Variants in CASTOR2 observed in about 807,000 individuals in gnomAD.
CASTOR2 encodes the protein GATS protein like 2.
Under a neutral mutation model 31.2 loss-of-function variants are expected in CASTOR2, and 8 were observed. The ratio of observed to expected loss-of-function variants is 0.26; its 90% CI spans 0.15 to 0.46. The LOEUF (loss-of-function observed/expected upper bound fraction) is 0.46, where lower values mean the gene tolerates loss of function less well. CASTOR2 is among the 20% of genes least tolerant of loss of function. The pLI, the probability that CASTOR2 is intolerant of heterozygous loss-of-function variation, is 0.99. For missense variants in CASTOR2, 216 were observed against 382.1 expected (o/e 0.57, Z 3.62); for synonymous variants, 162 against 158.7 (o/e 1.02, Z -0.16).
Position 74,986,482 on chromosome 7 carries a change from T to G in CASTOR2, c.113+21384T>G, listed in dbSNP as rs1484971725. 1.4e-4 allele frequency among the ~76,000 whole-genome samples: 20 copies of G among 142,872 alleles called. No individual in the cohort carries two copies. In the South Asian group the frequency reaches 4.4e-3, roughly 31 times the overall value. 93.7% of individuals were successfully genotyped at this position (142,872 alleles called of 152,430 possible). A position where few individuals can be genotyped will look rare whatever the true frequency, so the allele number is the denominator to read the frequency against. ...TCCAGCCTGGGCAACAGAGGGAGAC[T>G]CTGTCTCAAAAAAAAAAAAAAAGAA... On this transcript the variant is annotated intron_variant, in intron 1 of 8. Transcript: ENST00000616305.
intron 1 of CASTOR2, among the ~76,000 whole-genome samples, chr7:75,006,556 C>T (rs1420644116): frequency 6.6e-6 from 1 of 152,128 alleles, no homozygotes; most frequent in East Asian, 1.9e-4. Flanking sequence ...CCATTTGCAT[C>T]TTTTGAGAGA....
rs960596161 is a variant in CASTOR2 at position 75,025,490 on chromosome 7, A to G, written c.*791A>G. 6.6e-6 allele frequency among the ~76,000 whole-genome samples: 1 copy of G among 152,204 alleles called. No individual in the cohort carries two copies. The highest frequency in any genetic ancestry group is 1.5e-5 in the Non-Finnish European group (1 of 68,028). ...CTCCCTGGACCCGACTTGGGCAGGTAGAGCCTCAGCTTCCCCCAGTAGGGA... is the reference window on the plus strand; with the variant it reads ...CTCCCTGGACCCGACTTGGGCAGGTGGAGCCTCAGCTTCCCCCAGTAGGGA... On this transcript the variant is annotated 3_prime_UTR_variant, in exon 9 of 9. Coordinates refer to ENST00000616305, the MANE Select transcript of CASTOR2 (RefSeq NM_001145064.3).
intron 2 of CASTOR2, among the ~76,000 whole-genome samples, chr7:75,016,339 G>T (rs1584476063): frequency 6.6e-6 from 1 of 152,180 alleles, no homozygotes; most frequent in Non-Finnish European, 1.5e-5. Flanking sequence ...GGGTTTTCAT[G>T]AGCTAGGTAA....
At chr7:75,015,891 AC>A (rs1333896092) in intron 2 of CASTOR2, among the ~76,000 whole-genome samples, 3 of 151,948 alleles carry the variant, frequency 2.0e-5, no homozygotes, top group African/African-American at 7.3e-5. Context: ...ACATGGTGAA[AC>A]CCCATCTTTA....
intron 2 of CASTOR2, among the ~76,000 whole-genome samples, chr7:75,015,301 G>T (rs1316050825): frequency 1.3e-5 from 2 of 152,086 alleles, no homozygotes; most frequent in African/African-American, 2.4e-5. Flanking sequence ...ACAGGGTCTG[G>T]CTGTGTCACC....
intron 2 of CASTOR2, among the ~76,000 whole-genome samples, chr7:75,014,090 C>T (rs1325472027): frequency 2.6e-5 from 4 of 152,066 alleles, no homozygotes; most frequent in Admixed American, 6.6e-5. Flanking sequence ...TTCAGAATAA[C>T]GTTAGAAGCC....
intron 1 of CASTOR2, among the ~76,000 whole-genome samples, chr7:74,995,619 A>C (rs1701974878): frequency 6.6e-6 from 1 of 151,642 alleles, no homozygotes; most frequent in Admixed American, 6.6e-5. Flanking sequence ...CATCCTGGCT[A>C]ACACAGTGAA....
intron 1 of CASTOR2, among the ~76,000 whole-genome samples, chr7:75,002,902 A>C (rs2131940943): frequency 6.6e-6 from 1 of 152,116 alleles, no homozygotes; most frequent in East Asian, 1.9e-4. Flanking sequence ...CGCCTGGGCA[A>C]CATAGCAAGA....
chr7:75,007,339 T>TGGAGAATA (rs1398863261), intron 1 of CASTOR2, among the ~76,000 whole-genome samples: 1 of 152,034 alleles, frequency 6.6e-6, no homozygotes, highest in Non-Finnish European at 1.5e-5. Flanking sequence ...TCCCTGTTTT[T>TGGAGAATA]GGAGAATAGA....
intron 2 of CASTOR2, among the ~76,000 whole-genome samples, chr7:75,011,242 A>T (rs1804736081): frequency 1.3e-5 from 2 of 151,844 alleles, no homozygotes; most frequent in Admixed American, 1.3e-4. Context: ...AAGCCTGGTC[A>T]ACATGGTGAA....
chr7:74,991,427 C>T (rs587607978), intron 1 of CASTOR2, among the ~76,000 whole-genome samples: 199 of 151,970 alleles, frequency 1.3e-3, no homozygotes, highest in Non-Finnish European at 2.4e-3. Context: ...CCCCAGTGCC[C>T]CTACCCACCC....
chr7:74,985,023 G>T (rs1184529869), intron 1 of CASTOR2, among the ~76,000 whole-genome samples: 2 of 152,268 alleles, frequency 1.3e-5, no homozygotes, highest in South Asian at 4.1e-4. Flanking sequence ...TGTAATCCCA[G>T]CTACTCAGGA....
At chr7:75,012,724 C>T (rs1377691639) in intron 2 of CASTOR2, among the ~76,000 whole-genome samples, 1 of 151,840 alleles carries the variant, frequency 6.6e-6, no homozygotes, top group Non-Finnish European at 1.5e-5. Context: ...CTGCAACCTC[C>T]ACCTCCTGGG....
chr7:75,011,009 T>G (rs1416013928), intron 2 of CASTOR2, among the ~76,000 whole-genome samples: 2 of 152,072 alleles, frequency 1.3e-5, no homozygotes, highest in African/African-American at 4.8e-5. Flanking sequence ...CCCACCACCA[T>G]GCCCGGCTAA....
chr7:75,018,853 A>G lies in CASTOR2; in HGVS notation c.512-119A>G. ...GGTAGAGGCTGGAGAAGCAGCGGTG[A>G]ATGAGTCTCTTGGGGCCTGCAGCTG... On this transcript the variant is annotated intron_variant, in intron 4 of 8. Coordinates refer to ENST00000616305, the MANE Select transcript of CASTOR2 (RefSeq NM_001145064.3). The G allele has an allele frequency of 2.7e-6, 4 of 1,489,376 alleles. No individual in the cohort carries two copies. In the South Asian group the frequency reaches 4.9e-5, roughly 18 times the overall value. The allele number at this position is 1,489,376 out of a possible 1,614,324, so 92.3% of individuals were successfully genotyped here.
intron 1 of CASTOR2, among the ~76,000 whole-genome samples, chr7:74,984,106 C>T (rs1205719311): frequency 1.3e-5 from 2 of 149,640 alleles, no homozygotes; most frequent in East Asian, 3.9e-4. Flanking sequence ...GCCTTCAGCC[C>T]TCATCTTTGT....
chr7:75,016,475 T>TCTTC (rs1804865978), intron 2 of CASTOR2, among the ~76,000 whole-genome samples: 1 of 152,110 alleles, frequency 6.6e-6, no homozygotes, highest in East Asian at 1.9e-4. Context: ...TGCAGCCTCT[T>TCTTC]CAGGGGCCCT....
rs1272266781 is a variant in CASTOR2 at position 75,010,812 on chromosome 7, C to T, written c.184+2748C>T. Among the ~76,000 whole-genome samples, 19 of 151,168 alleles carry T rather than the reference C, an allele frequency of 1.3e-4. 1 individual carries two copies. The South Asian group carries it at 4.0e-3, about 31-fold the overall frequency. On this transcript the variant is annotated intron_variant, in intron 2 of 8. Coordinates refer to ENST00000616305, the MANE Select transcript of CASTOR2 (RefSeq NM_001145064.3). ...CAGGCTGCTTAGAAATCTATTATTG[C>T]CCAAGAAAAAAAAAATTGAGTGGAT... is the stretch of plus-strand genomic sequence containing the variant.
chr7:75,016,919 C>A (rs1350543364), intron 2 of CASTOR2, among the ~76,000 whole-genome samples: 2 of 152,202 alleles, frequency 1.3e-5, no homozygotes, highest in Non-Finnish European at 2.9e-5. Flanking sequence ...GTAATCCTAG[C>A]GCTTTGGGAG....
Sources: allele counts gnomAD v4.1 joint callset (sites outside exome capture counted in the v4.1 genomes callset), GRCh38; gene constraint gnomAD v4.1.1; transcripts MANE v1.5; gene names NCBI Gene and HGNC (gene_info 2026-07-23, HGNC 2026-07-21).